The following EXOC6B variants were observed in gnomAD, a reference collection of about 807,000 sequenced individuals.
The protein encoded by EXOC6B is exocyst complex component 6B, also known as SEC15 homolog B.
EXOC6B carries 54 observed loss-of-function variants against 113.5 expected under a neutral mutation model. That is an observed-to-expected ratio of 0.48 (90% CI 0.38 to 0.60). The LOEUF is 0.60. EXOC6B is among the 20% of genes least tolerant of loss of function. The pLI is 0.00. For synonymous variants in EXOC6B, 357 were observed against 339.0 expected (o/e 1.05, Z -0.58); for missense variants, 797 against 977.5 (o/e 0.82, Z 2.46).
At chr2:72,623,004 A>C (rs776224036) in intron 6 of EXOC6B, among the ~76,000 whole-genome samples, 23 of 152,140 alleles carry the variant, frequency 1.5e-4, no homozygotes, top group Non-Finnish European at 2.1e-4. Flanking sequence ...CTGAACTGGA[A>C]GGGGGCAAGA....
chr2:72,809,064 T>TCAA (rs958988929), intron 1 of EXOC6B, among the ~76,000 whole-genome samples: 1 of 151,734 alleles, frequency 6.6e-6, no homozygotes, highest in African/African-American at 2.4e-5. Context: ...AGACTCTGTC[T>TCAA]CAACAACAAC....
At chr2:72,221,796 C>T (rs1315205977) in intron 20 of EXOC6B, among the ~76,000 whole-genome samples, 1 of 152,122 alleles carries the variant, frequency 6.6e-6, no homozygotes, top group African/African-American at 2.4e-5. Context: ...TCTGAATTGT[C>T]ACTATACTCA....
chr2:72,744,173 G>A (rs1159781503), intron 1 of EXOC6B, among the ~76,000 whole-genome samples: 1 of 152,070 alleles, frequency 6.6e-6, no homozygotes, highest in African/African-American at 2.4e-5. Flanking sequence ...TACCATCTAG[G>A]CTTGTGTAAG....
intron 18 of EXOC6B, among the ~76,000 whole-genome samples, chr2:72,456,978 A>C (rs1697275908): frequency 6.6e-6 from 1 of 151,888 alleles, no homozygotes; most frequent in African/African-American, 2.4e-5. Flanking sequence ...GTTAAAGGGC[A>C]GAAGCAGTAA....
At chr2:72,517,428 A>G (rs1701273119) in intron 8 of EXOC6B, among the ~76,000 whole-genome samples, 1 of 152,170 alleles carries the variant, frequency 6.6e-6, no homozygotes, top group Non-Finnish European at 1.5e-5. Context: ...TAAAGTGATT[A>G]TAACTGTATA....
chr2:72,502,042 CAT>C (rs1700351470), intron 11 of EXOC6B, among the ~76,000 whole-genome samples: 1 of 152,080 alleles, frequency 6.6e-6, no homozygotes, highest in South Asian at 2.1e-4. Context: ...AAATTACAGG[CAT>C]CAGCCACCAC....
chr2:72,821,045 T>C (rs989790920), intron 1 of EXOC6B, among the ~76,000 whole-genome samples: 9 of 151,938 alleles, frequency 5.9e-5, no homozygotes, highest in Admixed American at 5.9e-4. Context: ...ATGAAAGATA[T>C]CAAAAAATGG....
chr2:72,294,043 A>G (rs1264063661), intron 20 of EXOC6B, among the ~76,000 whole-genome samples: 5 of 152,056 alleles, frequency 3.3e-5, no homozygotes, highest in African/African-American at 9.7e-5. Context: ...GTCCACAATA[A>G]AAGTAGTCAT....
intron 19 of EXOC6B, among the ~76,000 whole-genome samples, chr2:72,374,388 T>C (rs994068478): frequency 6.6e-6 from 1 of 152,160 alleles, no homozygotes; most frequent in Non-Finnish European, 1.5e-5. Context: ...TTTGTAACAG[T>C]GATCCTGTTA....
intron 19 of EXOC6B, among the ~76,000 whole-genome samples, chr2:72,349,705 G>T (rs1208874769): frequency 6.6e-6 from 1 of 152,108 alleles, no homozygotes; most frequent in Non-Finnish European, 1.5e-5. Context: ...CCATTTGGTT[G>T]TTCCTGAGTT....
chr2:72,513,189 A>C lies in EXOC6B; in HGVS notation c.1110T>G (p.Ile370Met), dbSNP rs758083040. The C allele has an allele frequency of 1.9e-6, 3 of 1,613,316 alleles. No individual in the cohort carries two copies. The highest frequency in any genetic ancestry group is 2.5e-6 in the Non-Finnish European group (3 of 1,179,492). Residue 370 changes from isoleucine to methionine, a missense_variant, in exon 11 of 22, where the codon ATT becomes ATG. Coordinates refer to ENST00000272427, the MANE Select transcript of EXOC6B (RefSeq NM_015189.3). ...TTQGLVNRAYIDELWEMALSK... is the reference protein window; with the variant it reads ...TTQGLVNRAYMDELWEMALSK... ...AAAGTGCCATTTCCCACAGTTCATC[A>C]ATGTAGGCTCTATTTACTAAGCCCT...
chr2:72,419,486 T>A (rs1411813313), intron 18 of EXOC6B, among the ~76,000 whole-genome samples: 1 of 152,190 alleles, frequency 6.6e-6, no homozygotes, highest in Non-Finnish European at 1.5e-5. Context: ...GCAGGAAAAA[T>A]TTAGTGGTAA....
intron 20 of EXOC6B, among the ~76,000 whole-genome samples, chr2:72,264,719 G>T (rs1340301846): frequency 6.6e-6 from 1 of 151,844 alleles, no homozygotes; most frequent in South Asian, 2.1e-4. Flanking sequence ...TTTTCCCCAC[G>T]CTGTTCTCAT....
Position 72,506,685 on chromosome 2 carries a change from C to A in EXOC6B, c.1167+6447G>T, listed in dbSNP as rs572006584. Reference sequence around the variant, plus strand: ...TACATTCCTAAAATCATAAATATTACTTTGTAAATTTTTCTTCCAGCCCAT... The same window carrying A: ...TACATTCCTAAAATCATAAATATTAATTTGTAAATTTTTCTTCCAGCCCAT... On this transcript the variant is annotated intron_variant, in intron 11 of 21. Transcript: ENST00000272427. 7.2e-5 allele frequency among the ~76,000 whole-genome samples: 11 copies of A among 152,106 alleles called. No individual in the cohort carries two copies. The East Asian group carries it at 9.7e-4, about 13-fold the overall frequency.
At position 72,187,825 on chromosome 2, in the gene EXOC6B, CT is replaced by C. The variant is rs563948736; in HGVS notation, c.2197-3639del. On this transcript the variant is annotated intron_variant, in intron 20 of 21. Transcript: ENST00000272427. ...CTGAAGGTCAGGCCTCACTGGGGAC[CT>C]GCCCCATTCTGCCCAGGAACCTGTC... 3.4e-3 allele frequency among the ~76,000 whole-genome samples: 515 copies of C among 152,288 alleles called. 1 individual carries two copies. The highest frequency in any genetic ancestry group is 0.012 in the African/African-American group (492 of 41,570).
At chr2:72,403,784 G>A (rs1289094780) in intron 18 of EXOC6B, among the ~76,000 whole-genome samples, 4 of 152,164 alleles carry the variant, frequency 2.6e-5, no homozygotes, top group Admixed American at 6.5e-5. Context: ...CAGCGTGAGC[G>A]ACGCATAAGA....
At chr2:72,199,718 G>A (rs1251502809) in intron 20 of EXOC6B, among the ~76,000 whole-genome samples, 1 of 152,066 alleles carries the variant, frequency 6.6e-6, no homozygotes, top group African/African-American at 2.4e-5. Flanking sequence ...AAGGGATCAA[G>A]CATCCTACAT....
At chr2:72,426,705 A>G (rs1426767647) in intron 18 of EXOC6B, among the ~76,000 whole-genome samples, 1 of 152,216 alleles carries the variant, frequency 6.6e-6, no homozygotes, top group African/African-American at 2.4e-5. Flanking sequence ...TCATATCCCC[A>G]GTGCGCTTAT....
intron 17 of EXOC6B, among the ~76,000 whole-genome samples, chr2:72,477,876 T>A (rs1698844243): frequency 6.6e-6 from 1 of 152,210 alleles, no homozygotes; most frequent in Non-Finnish European, 1.5e-5. Context: ...GTCATTTATT[T>A]TTTTTTCCCT....
Sources: gnomAD v4.1 joint callset for allele counts (sites outside exome capture counted in the v4.1 genomes callset) on GRCh38, gnomAD v4.1.1 for gene constraint, MANE v1.5 for transcripts, NCBI Gene and HGNC (gene_info 2026-07-23, HGNC 2026-07-21) for gene names.